The following ITPKB variants were observed in gnomAD, a reference collection of about 807,000 sequenced individuals.
ITPKB encodes the protein inositol-trisphosphate 3-kinase B.
Under a neutral mutation model 69.4 loss-of-function variants are expected in ITPKB, and 13 were observed. The ratio of observed to expected loss-of-function variants is 0.19; its 90% confidence interval spans 0.12 to 0.30. ITPKB has a LOEUF of 0.30. Ranked by LOEUF, ITPKB falls within the 10% of genes least tolerant of loss-of-function variation. The pLI is 1.00. For synonymous variants in ITPKB, 584 were observed against 513.7 expected (o/e 1.14, Z -1.85); for missense variants, 1,240 against 1,250.5 (o/e 0.99, Z 0.13).
chr1:226,714,280 C>T (rs902026854), intron 2 of ITPKB, among the ~76,000 whole-genome samples: 5 of 152,236 alleles, frequency 3.3e-5, no homozygotes, highest in Non-Finnish European at 7.3e-5. Context: ...TCACCATGTT[C>T]TCATTCCCTC....
At chr1:226,674,012 C>T (rs2102768639) in intron 2 of ITPKB, among the ~76,000 whole-genome samples, 1 of 152,228 alleles carries the variant, frequency 6.6e-6, no homozygotes, top group South Asian at 2.1e-4. Flanking sequence ...CATATATCCT[C>T]AAACTGCTCC....
At position 226,735,645 on chromosome 1, in the gene ITPKB, G is replaced by C; in HGVS notation, c.1814C>G (p.Ser605Cys). The change falls in exon 2 of 8, where the codon TCC becomes TGC. Residue 605 changes from serine (S) to cysteine (C), a missense_variant. Physicochemically the swap from Ser to Cys is moderately radical, Grantham distance 112. Around this residue, in one of 2 missense-constraint regions of ITPKB, gnomAD observed 992 missense variants for 853.8 expected, o/e 1.16. Transcript: ENST00000429204. Reference protein sequence around the residue: ...LRKLSSSSASSTGFSSSYEDS... With the variant: ...LRKLSSSSASCTGFSSSYEDS... ...TTCGTAGGATGAGGAGAAGCCCGTG[G>C]AGGAGGCCGAGGAAGAGGACAGTTT... 6.2e-7 allele frequency: 1 copy of C among 1,612,022 alleles called. No homozygotes were observed. Among genetic ancestry groups the C allele is most frequent in the Non-Finnish European group, 8.5e-7 (1 of 1,178,866 alleles).
intron 2 of ITPKB, chr1:226,707,057 CA>C (rs1656819274): frequency 2.5e-6 from 1 of 397,238 alleles, no homozygotes; most frequent in Non-Finnish European, 3.4e-6. Flanking sequence ...GAAAAACCAT[CA>C]CCCTCCAGTA....
chr1:226,717,918 T>C (rs545005099), intron 2 of ITPKB, among the ~76,000 whole-genome samples: 7 of 152,318 alleles, frequency 4.6e-5, no homozygotes, highest in African/African-American at 1.7e-4. Context: ...CTCTGTGGAA[T>C]TGTTCATTTT....
At chr1:226,687,996 G>T (rs1051386156) in intron 2 of ITPKB, among the ~76,000 whole-genome samples, 1 of 152,134 alleles carries the variant, frequency 6.6e-6, no homozygotes, top group African/African-American at 2.4e-5. Flanking sequence ...TTTTTAAAAA[G>T]AAACCAGGAT....
chr1:226,653,676 A>G (rs2102750554), intron 2 of ITPKB, among the ~76,000 whole-genome samples: 1 of 152,330 alleles, frequency 6.6e-6, no homozygotes, highest in East Asian at 1.9e-4. Flanking sequence ...AAAGCACCAC[A>G]ACGCAGGGGT....
chr1:226,697,143 G>A (rs1416732165), intron 2 of ITPKB, among the ~76,000 whole-genome samples: 3 of 152,250 alleles, frequency 2.0e-5, no homozygotes, highest in African/African-American at 7.2e-5. Context: ...TCAACTAAAT[G>A]TTGGTGGGTC....
intron 6 of ITPKB, among the ~76,000 whole-genome samples, chr1:226,638,756 C>T (rs967213695): frequency 6.6e-6 from 1 of 152,050 alleles, no homozygotes; most frequent in Non-Finnish European, 1.5e-5. Flanking sequence ...TGACCTCGGG[C>T]ACACAAGATG....
intron 2 of ITPKB, among the ~76,000 whole-genome samples, chr1:226,732,843 C>T (rs767969081): frequency 5.9e-5 from 9 of 152,114 alleles, no homozygotes; most frequent in African/African-American, 1.2e-4. Context: ...GCACACTGGG[C>T]GTGTAATGCA....
At chr1:226,690,120 T>G (rs188084694) in intron 2 of ITPKB, among the ~76,000 whole-genome samples, 398 of 152,368 alleles carry the variant, frequency 2.6e-3, no homozygotes, top group African/African-American at 9.1e-3. Flanking sequence ...TATATTCTTT[T>G]GGGTATATAC....
chr1:226,645,969 A>G (rs911532146), intron 4 of ITPKB, among the ~76,000 whole-genome samples: 1 of 152,172 alleles, frequency 6.6e-6, no homozygotes, highest in Non-Finnish European at 1.5e-5. Flanking sequence ...GAGGAGAGAG[A>G]AGAAAGGAAA....
rs1349510906 is a variant in ITPKB at position 226,641,684 on chromosome 1, G to T, written c.2451+237C>A. Among the ~76,000 whole-genome samples the T allele has an allele frequency of 6.6e-6, 1 of 152,262 alleles. No individual in the cohort carries two copies. The highest frequency in any genetic ancestry group is 1.5e-5 in the Non-Finnish European group (1 of 68,048). On this transcript the variant is annotated intron_variant, in intron 5 of 7. Transcript: ENST00000429204. The surrounding 1 kb of genome is among the most constrained non-coding windows in gnomAD (Gnocchi z 4.6). ...GGCTAAATGGAGAGTCCTCGGCAGA[G>T]GGCTGACAGCTGGGCAGGGCTAGAA...
Position 226,737,350 on chromosome 1 carries a change from G to C in ITPKB, c.109C>G (p.Pro37Ala), listed in dbSNP as rs1657824444. Reference protein sequence around the residue: ...GPSGSETPPPPRRAVLSPGSV... With the variant: ...GPSGSETPPPARRAVLSPGSV... ...CCGGGGCTCAGCACTGCCCTCCTCG[G>C]GGGCGGGGGCGTCTCGCTGCCACTG... Residue 37 changes from proline to alanine, a missense_variant, in exon 2 of 8, where the codon CCG (proline) becomes GCG (alanine). Coordinates refer to ENST00000429204, the MANE Select transcript of ITPKB (RefSeq NM_002221.4). 2 of 1,605,098 alleles carry C rather than the reference G, an allele frequency of 1.2e-6. No homozygotes were observed. The highest frequency in any genetic ancestry group is 1.3e-5 in the African/African-American group (1 of 74,906).
intron 2 of ITPKB, among the ~76,000 whole-genome samples, chr1:226,686,084 A>G (rs555586594): frequency 9.9e-5 from 15 of 151,528 alleles, no homozygotes; most frequent in African/African-American, 3.4e-4. Flanking sequence ...AGATAAAGCG[A>G]CCCCCCGCCC....
intron 2 of ITPKB, among the ~76,000 whole-genome samples, chr1:226,722,040 T>G (rs552013026): frequency 6.6e-6 from 1 of 152,108 alleles, no homozygotes. Flanking sequence ...ATCGAACTCC[T>G]GACCTCAGGT....
chr1:226,652,230 G>T (rs1355203674), intron 2 of ITPKB, among the ~76,000 whole-genome samples: 1 of 152,252 alleles, frequency 6.6e-6, no homozygotes, highest in Non-Finnish European at 1.5e-5. Flanking sequence ...GAGCAGAGAT[G>T]AACTAAAGGA....
chr1:226,715,161 C>T (rs1657065091), intron 2 of ITPKB, among the ~76,000 whole-genome samples: 1 of 152,220 alleles, frequency 6.6e-6, no homozygotes, highest in Admixed American at 6.5e-5. Flanking sequence ...TTACAATCTG[C>T]CTCCTCTACT....
intron 2 of ITPKB, among the ~76,000 whole-genome samples, chr1:226,709,601 C>G (rs892800319): frequency 1.2e-4 from 19 of 152,204 alleles, no homozygotes; most frequent in African/African-American, 4.3e-4. Flanking sequence ...TTCCCCCCAA[C>G]AAGAACTTCC....
intron 2 of ITPKB, among the ~76,000 whole-genome samples, chr1:226,705,121 A>C (rs2102633170): frequency 6.6e-6 from 1 of 152,344 alleles, no homozygotes; most frequent in South Asian, 2.1e-4. Flanking sequence ...ACAGAGCAAA[A>C]TTATCCTAAC....
Sources: allele counts gnomAD v4.1 joint callset (sites outside exome capture counted in the v4.1 genomes callset), GRCh38; gene constraint gnomAD v4.1.1; regional missense constraint gnomAD v4.1.1; non-coding constraint Gnocchi (gnomAD v3.1); transcripts MANE v1.5; gene names NCBI Gene and HGNC (gene_info 2026-07-23, HGNC 2026-07-21).